The following ARHGEF10L variants were observed in gnomAD, a reference collection of about 807,000 sequenced individuals.
The protein encoded by ARHGEF10L is Rho guanine nucleotide exchange factor 10 like, also known as rho guanine nucleotide exchange factor 10-like protein.
ARHGEF10L carries 69 observed loss-of-function variants against 141.2 expected under a neutral mutation model. The ratio of observed to expected loss-of-function variants is 0.49; its 90% CI spans 0.40 to 0.60. The LOEUF (loss-of-function observed/expected upper bound fraction) is 0.60, where lower values mean the gene tolerates loss of function less well. Among genes scored for constraint, ARHGEF10L ranks in the 20% least tolerant of loss-of-function variants. The probability of loss-of-function intolerance (pLI) is 0.00; values close to 1 mark genes in which losing one functional copy is unlikely to be tolerated. For missense variants in ARHGEF10L, 1,482 were observed against 1,734.3 expected (o/e 0.85, Z 2.58); for synonymous variants, 711 against 718.5 (o/e 0.99, Z 0.17).
chr1:17,605,446 G>A (rs888896097), intron 6 of ARHGEF10L, among the ~76,000 whole-genome samples: 2 of 152,142 alleles, frequency 1.3e-5, no homozygotes, highest in Non-Finnish European at 2.9e-5. Flanking sequence ...GAAGCATGAG[G>A]GGACCCTTAT....
intron 26 of ARHGEF10L, among the ~76,000 whole-genome samples, chr1:17,682,082 G>T (rs1489060522): frequency 1.3e-5 from 2 of 151,830 alleles, no homozygotes; most frequent in African/African-American, 4.8e-5. Flanking sequence ...GGACCCCTTC[G>T]TGTTGGCTCC....
chr1:17,582,090 A>T (rs929222438), intron 2 of ARHGEF10L, among the ~76,000 whole-genome samples: 1 of 151,996 alleles, frequency 6.6e-6, no homozygotes, highest in Non-Finnish European at 1.5e-5. Flanking sequence ...CTGTGCTGGG[A>T]TGGGCCTCCT....
intron 22 of ARHGEF10L, among the ~76,000 whole-genome samples, chr1:17,651,201 A>G (rs180865008): frequency 1.3e-5 from 2 of 152,228 alleles, no homozygotes; most frequent in Admixed American, 1.3e-4. Flanking sequence ...TTTTGTACCC[A>G]AGCTAGGTGC....
intron 9 of ARHGEF10L, chr1:17,618,361 C>T (rs957314120): frequency 6.5e-7 from 1 of 1,540,230 alleles, no homozygotes; most frequent in South Asian, 1.2e-5. Context: ...AGAATGTTAC[C>T]CAGCAGCTCG....
At chr1:17,650,918 A>G (rs1460345750) in intron 22 of ARHGEF10L, among the ~76,000 whole-genome samples, 1 of 152,104 alleles carries the variant, frequency 6.6e-6, no homozygotes, top group African/African-American at 2.4e-5. Context: ...GATAAATACT[A>G]TTTTAATGCA....
the ARHGEF10L span, among the ~76,000 whole-genome samples, chr1:17,527,818 G>T: frequency 6.6e-6 from 1 of 151,704 alleles, no homozygotes; most frequent in Non-Finnish European, 1.5e-5. Flanking sequence ...GGGAGGCGAG[G>T]GTTATTGCCC....
intron 1 of ARHGEF10L, among the ~76,000 whole-genome samples, chr1:17,561,274 C>G (rs772998184): frequency 1.8e-4 from 27 of 152,352 alleles, no homozygotes; most frequent in African/African-American, 3.1e-4. Context: ...GCACCTCCCC[C>G]CCGCCCCGTC....
chr1:17,691,075 T>C (rs2065068961), intron 27 of ARHGEF10L: 1 of 453,292 alleles, frequency 2.2e-6, no homozygotes, highest in African/African-American at 2.0e-5. Flanking sequence ...ACTCGACTGG[T>C]ATTAATGCAT....
At chr1:17,525,949 C>G in the ARHGEF10L span, among the ~76,000 whole-genome samples, 1 of 149,182 alleles carries the variant, frequency 6.7e-6, no homozygotes, top group Non-Finnish European at 1.5e-5. Flanking sequence ...TTGCAGTGAG[C>G]TGAGATCCCA....
Position 17,621,496 on chromosome 1 carries a change from G to A in ARHGEF10L, c.943-368G>A, listed in dbSNP as rs1367654146. ...GATTTGCCCATCTCTGCCTCCCAAA[G>A]TGCTGGGATTACAAGCATGAGCCAC... On this transcript the variant is annotated intron_variant, in intron 10 of 28. Coordinates refer to ENST00000361221, the MANE Select transcript of ARHGEF10L (RefSeq NM_018125.4). The surrounding 1 kb of genome is among the most constrained non-coding windows in gnomAD (Gnocchi z 4.1). Among the ~76,000 whole-genome samples, 2 of 152,200 alleles carry A rather than the reference G, an allele frequency of 1.3e-5. No individual in the cohort carries two copies. Among genetic ancestry groups the A allele is most frequent in the African/African-American group, 2.4e-5 (1 of 41,450 alleles).
the ARHGEF10L span, among the ~76,000 whole-genome samples, chr1:17,531,260 G>A: frequency 6.6e-6 from 1 of 152,120 alleles, no homozygotes; most frequent in Admixed American, 6.5e-5. Flanking sequence ...AAGGGGCTCC[G>A]GGCCTCTTTC....
intron 2 of ARHGEF10L, among the ~76,000 whole-genome samples, chr1:17,584,714 C>G (rs542833748): frequency 1.3e-5 from 2 of 152,350 alleles, no homozygotes; most frequent in South Asian, 4.1e-4. Context: ...GAAGAACGTG[C>G]TAGGCCCTGG....
Position 17,549,915 on chromosome 1 carries a change from C to T in ARHGEF10L, c.-44+9965C>T, listed in dbSNP as rs139344671. Reference sequence around the variant, plus strand: ...GGTACAAAGATATGGTGAAGTTTTACGCTCCAATAACCCATGGTCCAGCAA... The same window carrying T: ...GGTACAAAGATATGGTGAAGTTTTATGCTCCAATAACCCATGGTCCAGCAA... On this transcript the variant is annotated intron_variant, in intron 1 of 28. Coordinates refer to ENST00000361221, the MANE Select transcript of ARHGEF10L (RefSeq NM_018125.4). Among the ~76,000 whole-genome samples, 459 of 152,252 alleles carry T rather than the reference C, an allele frequency of 3.0e-3. 5 individuals carry two copies. Among genetic ancestry groups the T allele is most frequent in the East Asian group, 0.023 (119 of 5,176 alleles).
chr1:17,514,844 G>A, the ARHGEF10L span, among the ~76,000 whole-genome samples: 1 of 152,196 alleles, frequency 6.6e-6, no homozygotes, highest in Non-Finnish European at 1.5e-5. Flanking sequence ...TTGGAGGCCA[G>A]TTGGCTGGAG....
At chr1:17,688,629 G>A (rs112420255) in intron 27 of ARHGEF10L, among the ~76,000 whole-genome samples, 13 of 152,350 alleles carry the variant, frequency 8.5e-5, no homozygotes, top group African/African-American at 3.1e-4. Flanking sequence ...GGGAAACACA[G>A]CCCGTGTGGC....
intron 16 of ARHGEF10L, 123 bp downstream of exon 16, chr1:17,632,589 A>G (rs978810093): frequency 2.3e-6 from 3 of 1,281,544 alleles, no homozygotes; most frequent in Non-Finnish European, 3.3e-6. Context: ...TAGGCTTCCA[A>G]TATTCCTCTC....
In ARHGEF10L at chr1:17,623,959, G is replaced by A. The variant is rs571409304; in HGVS notation, c.1201-428G>A. Among the ~76,000 whole-genome samples the A allele has an allele frequency of 3.5e-3, 540 of 152,266 alleles. 1 individual carries two copies. Among genetic ancestry groups the A allele is most frequent in the Non-Finnish European group, 6.1e-3 (414 of 68,018 alleles). On this transcript the variant is annotated intron_variant, in intron 12 of 28. Transcript: ENST00000361221. This position sits in a 1 kb window ranked among gnomAD's most constrained non-coding sequence, Gnocchi z 4.7. Reference sequence around the variant, plus strand: ...TCCCTCCCTTGGTAACTCAACTCTGGGCACGCTGCCCGGTGAGAGGCCAGG... The same window carrying A: ...TCCCTCCCTTGGTAACTCAACTCTGAGCACGCTGCCCGGTGAGAGGCCAGG...
At position 17,625,989 on chromosome 1, in the gene ARHGEF10L, C is replaced by T. The variant is rs146976633; in HGVS notation, c.1351C>T (p.Leu451Phe). 1.9e-6 allele frequency: 3 copies of T among 1,613,980 alleles called. No individual in the cohort carries two copies. Among genetic ancestry groups the T allele is most frequent in the Non-Finnish European group, 2.5e-6 (3 of 1,179,902 alleles). ...RQVCSPDRVT[L>F]YGLMVKPIQR... ...GGTGTGCAGCCCAGACCGTGTCACC[C>T]TCTACGGGCTGATGGTCAAGCCCAT... The change falls in exon 14 of 29, where the codon CTC (leucine) becomes TTC (phenylalanine). Residue 451 changes from leucine (L) to phenylalanine (F), a missense_variant. Physicochemically the swap from Leu to Phe is conservative, Grantham distance 22. This residue lies in a region of ARHGEF10L where 392 missense variants were observed against 542.1 expected (regional missense o/e 0.72). Coordinates refer to ENST00000361221, the MANE Select transcript of ARHGEF10L (RefSeq NM_018125.4). This position sits in a 1 kb window ranked among gnomAD's most constrained non-coding sequence, Gnocchi z 4.5.
intron 1 of ARHGEF10L, among the ~76,000 whole-genome samples, chr1:17,543,091 T>C (rs1243353846): frequency 6.6e-6 from 1 of 152,172 alleles, no homozygotes; most frequent in Non-Finnish European, 1.5e-5. Context: ...TCTTCTTCTC[T>C]CTACCTCAGT....
Sources: gnomAD v4.1 joint callset for allele counts (sites outside exome capture counted in the v4.1 genomes callset) on GRCh38, gnomAD v4.1.1 for gene constraint, gnomAD v4.1.1 regional missense constraint, Gnocchi (gnomAD v3.1) non-coding constraint, MANE v1.5 for transcripts, NCBI Gene and HGNC (gene_info 2026-07-23, HGNC 2026-07-21) for gene names.